AP4E1: variants seen among roughly 807,000 people sequenced by gnomAD.
AP4E1 encodes AP-4 complex subunit epsilon-1.
In AP4E1, 56 loss-of-function variants were observed where a neutral mutation model predicts 128.2. The observed-to-expected ratio is 0.44, with a 90% confidence interval of 0.35 to 0.55. The LOEUF is 0.55. Among genes scored for constraint, AP4E1 ranks in the 20% least tolerant of loss-of-function variants. The pLI, the probability that AP4E1 is intolerant of heterozygous loss-of-function variation, is 0.00. For missense variants in AP4E1, 1,324 were observed against 1,307.7 expected, an observed-to-expected ratio of 1.01 and a Z score of -0.19; for synonymous variants, 484 against 473.1, an observed-to-expected ratio of 1.02 and a Z score of -0.30.
chr15:50,993,923 G>A (rs2064837491), intron 17 of AP4E1, among the ~76,000 whole-genome samples: 1 of 152,184 alleles, frequency 6.6e-6, no homozygotes, highest in Admixed American at 6.5e-5. Flanking sequence ...CACCCCTGTG[G>A]GTGGACGGGG....
chr15:50,972,866 C>T lies in AP4E1; in HGVS notation c.1966+4489C>T, dbSNP rs145013536. ...GGGGGGCATGTCTTCTGAGGGTAGCCCTATGGGGATGTTTCTCTCACACAG... is the reference window on the plus strand; with the variant it reads ...GGGGGGCATGTCTTCTGAGGGTAGCTCTATGGGGATGTTTCTCTCACACAG... On this transcript the variant is annotated intron_variant, in intron 15 of 20. Coordinates refer to ENST00000261842, the MANE Select transcript of AP4E1 (RefSeq NM_007347.5). 2.2e-3 allele frequency among the ~76,000 whole-genome samples: 330 copies of T among 152,262 alleles called. 2 individuals carry two copies. Among genetic ancestry groups the T allele is most frequent in the African/African-American group, 7.6e-3 (316 of 41,530 alleles).
At chr15:50,996,198 A>G (rs1157818839) in intron 17 of AP4E1, among the ~76,000 whole-genome samples, 2 of 134,760 alleles carry the variant, frequency 1.5e-5, no homozygotes, top group African/African-American at 2.8e-5. Context: ...GGGTTTCACC[A>G]TGTTGGCCAA....
chr15:50,937,946 C>G (rs931781462), intron 8 of AP4E1, among the ~76,000 whole-genome samples: 19 of 152,056 alleles, frequency 1.2e-4, no homozygotes, highest in African/African-American at 4.6e-4. Flanking sequence ...ATGAGAATAT[C>G]ATTTTTAGTA....
At chr15:50,932,257 G>T (rs1188462962) in intron 7 of AP4E1, among the ~76,000 whole-genome samples, 1 of 152,154 alleles carries the variant, frequency 6.6e-6, no homozygotes, top group African/African-American at 2.4e-5. Context: ...GGGATGACAG[G>T]CGTGAGCCAC....
At chr15:50,909,444 G>GCAAA (rs1275484488) in intron 1 of AP4E1, among the ~76,000 whole-genome samples, 1 of 152,144 alleles carries the variant, frequency 6.6e-6, no homozygotes, top group Non-Finnish European at 1.5e-5. Context: ...GAATATCTTT[G>GCAAA]GGGAGCTTGA....
In AP4E1 at chr15:50,949,833, C is replaced by G; in HGVS notation, c.1324C>G (p.Pro442Ala). The change falls in exon 12 of 21, where the codon CCT becomes GCT. Residue 442 changes from proline (P) to alanine (A), a missense_variant. Transcript: ENST00000261842. ...TCTTAACACTGTGGACACATATGCT[C>G]CTGATAATGCATGGTTTATTCAGAC... ...KIAELAEKYA[P>A]DNAWFIQTMN... is the part of the protein sequence containing the mutation. 2 of 1,611,398 alleles carry G rather than the reference C, an allele frequency of 1.2e-6. No homozygotes were observed. The highest frequency in any genetic ancestry group is 1.7e-6 in the Non-Finnish European group (2 of 1,177,768).
In AP4E1 at chr15:51,002,692, A is replaced by T. The variant is rs912765724; in HGVS notation, c.*30A>T. On this transcript the variant is annotated 3_prime_UTR_variant, in exon 21 of 21. Transcript: ENST00000261842. ...AGCCCTGCTAAATTTTACTCCATCA[A>T]GATCAATGGTTTACATAGATAAACT... is the stretch of plus-strand genomic sequence containing the variant. The T allele has an allele frequency of 1.2e-6, 2 of 1,613,356 alleles. No homozygotes were observed. Among genetic ancestry groups the T allele is most frequent in the Non-Finnish European group, 8.5e-7 (1 of 1,179,558 alleles).
Position 50,999,192 on chromosome 15 carries a change from T to A in AP4E1, c.3025T>A (p.Tyr1009Asn), listed in dbSNP as rs1164968226. The part of the protein sequence containing the change: ...TEGNLTGFIS[Y>N]HMMDTHSAQL... ...AGGAAATCTTACTGGTTTTATTAGT[T>A]ATCATATGATGGATACTCATTCTGC... Residue 1009 changes from tyrosine (Y) to asparagine (N), a missense_variant, in exon 19 of 21, where the codon TAT (tyrosine) becomes AAT (asparagine). Transcript: ENST00000261842. The A allele has an allele frequency of 6.2e-7, 1 of 1,613,518 alleles. No individual in the cohort carries two copies. Among genetic ancestry groups the A allele is most frequent in the Non-Finnish European group, 8.5e-7 (1 of 1,179,770 alleles).
At chr15:50,966,557 A>G (rs1197711300) in intron 14 of AP4E1, among the ~76,000 whole-genome samples, 4 of 101,726 alleles carry the variant, frequency 3.9e-5, no homozygotes, top group Admixed American at 1.3e-4. Flanking sequence ...TTTTTTTGAG[A>G]TGAAGTTTCA....
In AP4E1 at chr15:50,981,557, T is replaced by C. The variant is rs538604899; in HGVS notation, c.1967-2465T>C. Among the ~76,000 whole-genome samples the C allele has an allele frequency of 5.8e-4, 88 of 152,318 alleles. 1 individual carries two copies. Among genetic ancestry groups the C allele is most frequent in the African/African-American group, 2.0e-3 (85 of 41,566 alleles). On this transcript the variant is annotated intron_variant, in intron 15 of 20. Coordinates refer to ENST00000261842, the MANE Select transcript of AP4E1 (RefSeq NM_007347.5). The stretch of plus-strand genomic sequence containing the variant: ...ATTTTGGAGTTAATGCTGGAATGAG[T>C]TAAGGCTTTTGAGACTTGTAATGGA...
At chr15:50,960,679 A>T (rs1374539440) in intron 14 of AP4E1, among the ~76,000 whole-genome samples, 1 of 152,066 alleles carries the variant, frequency 6.6e-6, no homozygotes, top group East Asian at 1.9e-4. Flanking sequence ...TCAGAAAAGT[A>T]GAAGGATTTC....
At chr15:50,943,452 T>C (rs1270234494) in intron 10 of AP4E1, among the ~76,000 whole-genome samples, 1 of 152,206 alleles carries the variant, frequency 6.6e-6, no homozygotes, top group Non-Finnish European at 1.5e-5. Flanking sequence ...GTCTGAAAAT[T>C]GTTACATGCC....
chr15:50,931,840 A>G (rs1216100414), intron 7 of AP4E1, among the ~76,000 whole-genome samples: 2 of 152,138 alleles, frequency 1.3e-5, no homozygotes, highest in Non-Finnish European at 1.5e-5. Flanking sequence ...CCTGCGGGCT[A>G]TAGTTTGCCA....
chr15:50,934,527 C>T, intron 7 of AP4E1, 97 bp from the exon 8 acceptor site: 1 of 781,032 alleles, frequency 1.3e-6, no homozygotes, highest in Non-Finnish European at 2.2e-6. Context: ...TTTCACTTCT[C>T]TTCTGTAGAT....
chr15:50,908,892 C>T lies in AP4E1; in HGVS notation c.114C>T (p.Ser38=), dbSNP rs1433873050. ...CGTCCTTCTCCTCGAGGCTGGGCAGCCTTGTCCGCGGCATCACAGCCCTCA... is the reference window on the plus strand; with the variant it reads ...CGTCCTTCTCCTCGAGGCTGGGCAGTCTTGTCCGCGGCATCACAGCCCTCA... The part of the protein sequence containing the change: ...AKASFSSRLG[S]LVRGITALTS... The change falls in exon 1 of 21, where the codon AGC becomes AGT. Residue 38 remains serine, a synonymous_variant. Coordinates refer to ENST00000261842, the MANE Select transcript of AP4E1 (RefSeq NM_007347.5). 4 of 1,610,548 alleles carry T rather than the reference C, an allele frequency of 2.5e-6. No individual in the cohort carries two copies. The highest frequency in any genetic ancestry group is 2.7e-5 in the African/African-American group (2 of 74,916).
chr15:50,984,409 T>A (rs1458891216), intron 16 of AP4E1, among the ~76,000 whole-genome samples: 2 of 151,960 alleles, frequency 1.3e-5, no homozygotes, highest in East Asian at 3.9e-4. Flanking sequence ...CTGCACCCAT[T>A]AACTCGTCAT....
intron 3 of AP4E1, among the ~76,000 whole-genome samples, chr15:50,921,478 A>G (rs964728856): frequency 2.0e-5 from 3 of 151,752 alleles, no homozygotes; most frequent in African/African-American, 7.3e-5. Context: ...CCTCCCAAGT[A>G]GCTGGGATTA....
intron 16 of AP4E1, among the ~76,000 whole-genome samples, chr15:50,987,457 T>C (rs2064744517): frequency 6.6e-6 from 1 of 152,250 alleles, no homozygotes; most frequent in Non-Finnish European, 1.5e-5. Context: ...TAAATTTCCC[T>C]CTACACACTA....
At chr15:50,968,429 A>G (rs1463206085) in intron 15 of AP4E1, 52 bp downstream of exon 15, 4 of 1,236,310 alleles carry the variant, frequency 3.2e-6, no homozygotes, top group Non-Finnish European at 4.7e-6. Context: ...GTAATTTTTG[A>G]TATTATAGTC....
Sources: gnomAD v4.1 joint callset for allele counts (sites outside exome capture counted in the v4.1 genomes callset) on GRCh38, gnomAD v4.1.1 for gene constraint, MANE v1.5 for transcripts, NCBI Gene and HGNC (gene_info 2026-07-23, HGNC 2026-07-21) for gene names.